SHB: variants seen among roughly 807,000 people sequenced by gnomAD.
The protein encoded by SHB is SH2 domain containing adaptor protein B.
SHB carries 20 observed loss-of-function variants against 52.3 expected under a neutral mutation model. The ratio of observed to expected loss-of-function variants is 0.38; its 90% CI spans 0.27 to 0.56. SHB has a LOEUF of 0.56. Ranked by LOEUF, SHB falls within the 20% of genes least tolerant of loss-of-function variation. The pLI is 0.71. For synonymous variants in SHB, 397 were observed against 316.5 expected (o/e 1.25, Z -2.70); for missense variants, 825 against 723.3 (o/e 1.14, Z -1.61).
chr9:38,015,457 A>C (rs1275876960), intron 2 of SHB: 1 of 703,088 alleles, frequency 1.4e-6, no homozygotes, highest in Non-Finnish European at 2.6e-6. Flanking sequence ...CCACTGGGGG[A>C]ATGTCTCCAT....
chr9:38,066,094 AG>A (rs1338967977), intron 1 of SHB, among the ~76,000 whole-genome samples: 1 of 152,220 alleles, frequency 6.6e-6, no homozygotes, highest in Non-Finnish European at 1.5e-5. Context: ...AGCACCCAGC[AG>A]GGGAGGACAC....
intron 5 of SHB, among the ~76,000 whole-genome samples, chr9:37,926,888 C>T (rs1832256780): frequency 6.6e-6 from 1 of 152,240 alleles, no homozygotes; most frequent in Admixed American, 6.5e-5. Context: ...TCCAATTACT[C>T]ACCCAGAGCC....
At chr9:38,043,306 G>C (rs745771814) in intron 1 of SHB, among the ~76,000 whole-genome samples, 1 of 152,158 alleles carries the variant, frequency 6.6e-6, no homozygotes, top group Non-Finnish European at 1.5e-5. Context: ...ATATTACCTA[G>C]TAGACACATA....
intron 2 of SHB, among the ~76,000 whole-genome samples, chr9:37,983,259 A>AGTGAT (rs1339765424): frequency 1.3e-5 from 2 of 152,228 alleles, no homozygotes; most frequent in Admixed American, 1.3e-4. Context: ...GTCATAGCAC[A>AGTGAT]GTGATGTGGC....
chr9:37,999,806 T>A (rs549470847), intron 2 of SHB, among the ~76,000 whole-genome samples: 1 of 152,314 alleles, frequency 6.6e-6, no homozygotes, highest in Non-Finnish European at 1.5e-5. Flanking sequence ...AAGCCTTGAC[T>A]TCAGAGATGG....
At chr9:37,999,927 A>AC (rs1450465054) in intron 2 of SHB, among the ~76,000 whole-genome samples, 1 of 152,024 alleles carries the variant, frequency 6.6e-6, no homozygotes, top group Non-Finnish European at 1.5e-5. Flanking sequence ...CATGCCCTCT[A>AC]CCCCCAGCCC....
chr9:37,979,038 C>G (rs1303251447), intron 2 of SHB, among the ~76,000 whole-genome samples: 1 of 152,224 alleles, frequency 6.6e-6, no homozygotes, highest in African/African-American at 2.4e-5. Flanking sequence ...GCCCTTGTGC[C>G]AGGCCAGCTT....
At chr9:37,987,233 T>C (rs571719033) in intron 2 of SHB, among the ~76,000 whole-genome samples, 2 of 152,330 alleles carry the variant, frequency 1.3e-5, no homozygotes, top group South Asian at 4.1e-4. Flanking sequence ...TTGTCAATAG[T>C]GCAGTAATCA....
chr9:38,054,134 T>C lies in SHB; in HGVS notation c.717+13795A>G, dbSNP rs535819026. ...AAGCTTCCAAGCACCAGGGCTAGGA[T>C]TTGAGCTCTGGACTTCCGACCCTAA... is the stretch of plus-strand genomic sequence containing the variant. On this transcript the variant is annotated intron_variant, in intron 1 of 5. Coordinates refer to ENST00000377707, the MANE Select transcript of SHB (RefSeq NM_003028.3). Among the ~76,000 whole-genome samples the C allele has an allele frequency of 2.0e-5, 3 of 152,326 alleles. No individual in the cohort carries two copies. The East Asian group carries it at 5.8e-4, about 29-fold the overall frequency.
chr9:37,953,200 C>T (rs1832587090), intron 4 of SHB, among the ~76,000 whole-genome samples: 1 of 152,040 alleles, frequency 6.6e-6, no homozygotes, highest in Admixed American at 6.5e-5. Flanking sequence ...AAAAAGGAGG[C>T]TGGCTGTGGT....
chr9:37,919,835 C>T lies in SHB; in HGVS notation c.1516G>A (p.Val506Met). 2 of 1,613,604 alleles carry T rather than the reference C, an allele frequency of 1.2e-6. No homozygotes were observed. Among genetic ancestry groups the T allele is most frequent in the Non-Finnish European group, 1.7e-6 (2 of 1,179,932 alleles). Residue 506 changes from valine (V) to methionine (M), a missense_variant, in exon 6 of 6, where the codon GTG (valine) becomes ATG (methionine). Transcript: ENST00000377707. Reference sequence around the variant, plus strand: ...GTCTGGTCCGCTCACAGGGTCCTCACAGCCACGGGATAGAGGAGGGACAAG... The same window carrying T: ...GTCTGGTCCGCTCACAGGGTCCTCATAGCCACGGGATAGAGGAGGGACAAG... ...EHLSLLYPVA[V>M]RTL
At chr9:37,940,442 T>A (rs776018) in intron 5 of SHB, among the ~76,000 whole-genome samples, 1 of 152,128 alleles carries the variant, frequency 6.6e-6, no homozygotes, top group Admixed American at 6.5e-5. Context: ...CCTACAGCAG[T>A]GGCTTCTAAT....
chr9:38,019,108 C>A (rs151254465), intron 1 of SHB, among the ~76,000 whole-genome samples: 91 of 152,310 alleles, frequency 6.0e-4, no homozygotes, highest in African/African-American at 1.9e-3. Flanking sequence ...GACCTGGCAG[C>A]CACAGAGGCA....
chr9:37,953,433 T>C (rs1463325492), intron 4 of SHB, among the ~76,000 whole-genome samples: 1 of 151,990 alleles, frequency 6.6e-6, no homozygotes, highest in Non-Finnish European at 1.5e-5. Flanking sequence ...TTTTTTTTTT[T>C]ACTTATGTTG....
At chr9:37,984,626 GGCGTCTATT>G (rs1820782111) in intron 2 of SHB, among the ~76,000 whole-genome samples, 1 of 152,002 alleles carries the variant, frequency 6.6e-6, no homozygotes, top group Non-Finnish European at 1.5e-5. Flanking sequence ...CTGGGGCCAG[GGCGTCTATT>G]GCAGTCAGGT....
chr9:37,995,947 C>T (rs1296768751), intron 2 of SHB, among the ~76,000 whole-genome samples: 3 of 152,318 alleles, frequency 2.0e-5, no homozygotes, highest in East Asian at 1.9e-4. Flanking sequence ...CAATTCTATA[C>T]AATAGGTCAA....
At chr9:37,987,155 C>G (rs1019279250) in intron 2 of SHB, among the ~76,000 whole-genome samples, 4 of 152,224 alleles carry the variant, frequency 2.6e-5, no homozygotes, top group Admixed American at 6.5e-5. Context: ...GGCCCCTCCC[C>G]GCCTGACTGC....
chr9:37,929,958 C>T (rs747196490), intron 5 of SHB, among the ~76,000 whole-genome samples: 3 of 152,036 alleles, frequency 2.0e-5, no homozygotes, highest in Non-Finnish European at 2.9e-5. Flanking sequence ...AAAAATTAGC[C>T]GGGCATGGTG....
intron 3 of SHB, among the ~76,000 whole-genome samples, chr9:37,969,513 C>T (rs1410905319): frequency 2.0e-5 from 3 of 152,224 alleles, no homozygotes; most frequent in African/African-American, 7.2e-5. Context: ...GAAGTGGGAA[C>T]TACTGGTCTT....
Sources: gnomAD v4.1 joint callset for allele counts (sites outside exome capture counted in the v4.1 genomes callset) on GRCh38, gnomAD v4.1.1 for gene constraint, MANE v1.5 for transcripts, NCBI Gene and HGNC (gene_info 2026-07-23, HGNC 2026-07-21) for gene names.